The following TMEM101 variants were observed in gnomAD, a reference collection of about 807,000 sequenced individuals.
TMEM101 encodes putative NF-kappa-B-activating protein 130.
TMEM101 carries 14 observed loss-of-function variants against 26.0 expected under a neutral mutation model. The ratio of observed to expected loss-of-function variants is 0.54; its 90% CI spans 0.36 to 0.84. The LOEUF is 0.84. TMEM101 is among the 40% of genes least tolerant of loss of function. TMEM101 has a pLI of 0.01. For missense variants in TMEM101, 292 were observed against 345.1 expected, an observed-to-expected ratio of 0.85 and a Z score of 1.22; for synonymous variants, 152 against 145.1, an observed-to-expected ratio of 1.05 and a Z score of -0.34.
upstream of TMEM101, among the ~76,000 whole-genome samples, chr17:44,016,558 A>C (rs1447584347): frequency 6.6e-6 from 1 of 152,144 alleles, no homozygotes; most frequent in South Asian, 2.1e-4. Flanking sequence ...GTTTCTGTTT[A>C]CTGTTTACAG....
chr17:44,019,438 C>CT (rs141330739), upstream of TMEM101: 1 of 240,758 alleles, frequency 4.2e-6, no homozygotes, highest in South Asian at 4.3e-5. Flanking sequence ...GACCCTAGCT[C>CT]TTTTGTAATG....
At chr17:44,012,615 G>C in intron 3 of TMEM101, 1 of 400,638 alleles carries the variant, frequency 2.5e-6, no homozygotes, top group Non-Finnish European at 4.4e-6. Context: ...GCACCAGGGA[G>C]AACCATAAGT....
At position 44,014,521 on chromosome 17, in the gene TMEM101, C is replaced by A; in HGVS notation, c.154G>T (p.Val52Leu). Reference protein sequence around the residue: ...AEARRKPDIPVPYLYFDMGAA... With the variant: ...AEARRKPDIPLPYLYFDMGAA... Reference sequence around the variant, plus strand: ...CCCATGTCGAAATACAGGTAAGGCACTGGGATGTCGGGCTTCCTGCGAGCC... The same window carrying A: ...CCCATGTCGAAATACAGGTAAGGCAATGGGATGTCGGGCTTCCTGCGAGCC... The change falls in exon 2 of 4, where the codon GTG becomes TTG. Residue 52 changes from valine (V) to leucine (L), a missense_variant. Val to Leu is a conservative substitution (Grantham distance 32). Transcript: ENST00000206380. 6.4e-7 allele frequency: 1 copy of A among 1,571,006 alleles called. No individual in the cohort carries two copies. The highest frequency in any genetic ancestry group is 8.6e-7 in the Non-Finnish European group (1 of 1,156,976).
At chr17:44,014,969 C>T (rs1450125060), upstream of TMEM101, 3 of 1,601,544 alleles carry the variant, frequency 1.9e-6, no homozygotes, top group Non-Finnish European at 2.6e-6. Context: ...AAAGGGCAGT[C>T]CGCTGCGGCC....
At chr17:44,019,891 A>T (rs759251204), upstream of TMEM101, among the ~76,000 whole-genome samples, 1 of 152,364 alleles carries the variant, frequency 6.6e-6, no homozygotes, top group South Asian at 2.1e-4. Flanking sequence ...GGATATACAC[A>T]TAACATTCAG....
At chr17:44,023,210 G>A (rs991937566), upstream of TMEM101, 12 of 159,056 alleles carry the variant, frequency 7.5e-5, no homozygotes, top group African/African-American at 9.6e-5. Flanking sequence ...AGGGCCCTTC[G>A]TGACTGGGCT....
chr17:44,014,782 C>T (rs1272860168), intron 1 of TMEM101, 34 bp downstream of exon 1: 1 of 1,533,556 alleles, frequency 6.5e-7, no homozygotes, highest in African/African-American at 1.4e-5. Context: ...TCACCGCCCC[C>T]TGCCGCGTTT....
chr17:44,016,037 G>A (rs184072505), upstream of TMEM101, among the ~76,000 whole-genome samples: 266 of 151,768 alleles, frequency 1.8e-3, 2 homozygotes, highest in Non-Finnish European at 2.5e-3. Context: ...CGCCCCACCC[G>A]TTTATATGTT....
At chr17:44,020,497 G>C (rs890839732) in intron 2 of TMEM101, among the ~76,000 whole-genome samples, 1 of 152,212 alleles carries the variant, frequency 6.6e-6, no homozygotes, top group South Asian at 2.1e-4. Context: ...GAGGAGGGCA[G>C]ATCACCTGAA....
At chr17:44,012,289 G>A (rs77130005) in intron 3 of TMEM101, 53 bp from the exon 4 acceptor site, 17 of 1,532,378 alleles carry the variant, frequency 1.1e-5, no homozygotes, top group Middle Eastern at 1.9e-4. Context: ...AGCCTGTCTG[G>A]GGTAAACCAC....
At chr17:44,022,278 A>G (rs978773300) in intron 1 of TMEM101, among the ~76,000 whole-genome samples, 2 of 152,210 alleles carry the variant, frequency 1.3e-5, no homozygotes, top group Non-Finnish European at 2.9e-5. Flanking sequence ...GAATTTTACT[A>G]GGGTTAATTT....
chr17:44,011,865 A>G lies in TMEM101; in HGVS notation c.*63T>C. ...TAAATAAACAGCAGCTGGGCCAGCA[A>G]GGAGGAAGGCAGGGTGACCCTCAGT... On this transcript the variant is annotated 3_prime_UTR_variant, in exon 4 of 4. Coordinates refer to ENST00000206380, the MANE Select transcript of TMEM101 (RefSeq NM_032376.4). 2 of 1,467,276 alleles carry G rather than the reference A, an allele frequency of 1.4e-6. No individual in the cohort carries two copies. The highest frequency in any genetic ancestry group is 1.8e-6 in the Non-Finnish European group (2 of 1,081,346). 90.9% of individuals were successfully genotyped at this position (1,467,276 alleles called of 1,614,324 possible).
At chr17:44,017,521 G>C (rs1249120377), upstream of TMEM101, among the ~76,000 whole-genome samples, 2 of 150,370 alleles carry the variant, frequency 1.3e-5, no homozygotes, top group East Asian at 3.9e-4. Context: ...GTGAACACAG[G>C]AGGCAGAGCT....
upstream of TMEM101, among the ~76,000 whole-genome samples, chr17:44,017,593 C>CAAAA (rs1242207636): frequency 1.2e-4 from 9 of 75,154 alleles, no homozygotes; most frequent in African/African-American, 2.9e-4. Context: ...GACAACATCT[C>CAAAA]AAAAAAAAAA....
rs769892318 is a variant in TMEM101 at position 44,012,071 on chromosome 17, G to T, written c.631C>A (p.Leu211Met). The change falls in exon 4 of 4, where the codon CTG (leucine) becomes ATG (methionine). Residue 211 changes from leucine to methionine, a missense_variant. Leu to Met is a conservative substitution (Grantham distance 15). Coordinates refer to ENST00000206380, the MANE Select transcript of TMEM101 (RefSeq NM_032376.4). ...TLAAQILAVL[L>M]PPVMLLIDGN... ...TCAATGAGCAGCATGACAGGGGGCAGCAGTACAGCCAGGATCTGGGCAGCG... is the reference window on the plus strand; with the variant it reads ...TCAATGAGCAGCATGACAGGGGGCATCAGTACAGCCAGGATCTGGGCAGCG... 6.2e-7 allele frequency: 1 copy of T among 1,614,262 alleles called. No individual in the cohort carries two copies. The highest frequency in any genetic ancestry group is 1.7e-5 in the Admixed American group (1 of 60,032).
chr17:44,011,992 A>G lies in TMEM101; in HGVS notation c.710T>C (p.Met237Thr). 6.2e-7 allele frequency: 1 copy of G among 1,614,184 alleles called. No homozygotes were observed. Among genetic ancestry groups the G allele is most frequent in the Non-Finnish European group, 8.5e-7 (1 of 1,180,034 alleles). The change falls in exon 4 of 4, where the codon ATG (methionine) becomes ACG (threonine). Residue 237 changes from methionine (M) to threonine (T), a missense_variant. Coordinates refer to ENST00000206380, the MANE Select transcript of TMEM101 (RefSeq NM_032376.4). Reference sequence around the variant, plus strand: ...GCCCACACTCTCTCCAAGGAGCTTCATCTGGTTCCAGAACTCAACACGCCG... The same window carrying G: ...GCCCACACTCTCTCCAAGGAGCTTCGTCTGGTTCCAGAACTCAACACGCCG... ...NTRRVEFWNQ[M>T]KLLGESVGIF...
At chr17:44,018,419 T>C (rs1387674560), upstream of TMEM101, among the ~76,000 whole-genome samples, 3 of 152,216 alleles carry the variant, frequency 2.0e-5, no homozygotes, top group African/African-American at 7.2e-5. Context: ...GGGAGGTCTC[T>C]AGGCAAGGAG....
At chr17:44,017,750 C>T (rs569819451), upstream of TMEM101, among the ~76,000 whole-genome samples, 7 of 142,098 alleles carry the variant, frequency 4.9e-5, no homozygotes, top group South Asian at 2.4e-4. Context: ...GCGACAAGAG[C>T]GAAACTCTTG....
intron 2 of TMEM101, among the ~76,000 whole-genome samples, chr17:44,020,843 C>T (rs942577995): frequency 6.6e-6 from 1 of 152,222 alleles, no homozygotes; most frequent in African/African-American, 2.4e-5. Context: ...GGCAACTCAA[C>T]ACAGAGCCAG....
Sources: allele counts gnomAD v4.1 joint callset (sites outside exome capture counted in the v4.1 genomes callset), GRCh38; gene constraint gnomAD v4.1.1; transcripts MANE v1.5; gene names NCBI Gene and HGNC (gene_info 2026-07-23, HGNC 2026-07-21).